Variants in ZNF276 observed in about 807,000 individuals in gnomAD.
ZNF276 encodes the protein zinc finger protein 276, also known as centromere protein Z.
ZNF276 carries 59 observed loss-of-function variants against 63.9 expected under a neutral mutation model. That is an observed-to-expected ratio of 0.92 (90% CI 0.75 to 1.15). The LOEUF is 1.15. Ranked by LOEUF, ZNF276 falls within the 50% of genes most tolerant of loss-of-function variation. ZNF276 has a pLI of 0.00. For synonymous variants in ZNF276, 496 were observed against 348.4 expected (o/e 1.42, Z -4.72); for missense variants, 1,084 against 843.8 (o/e 1.28, Z -3.53).
chr16:89,729,885 C>T (rs539258176), intron 6 of ZNF276, among the ~76,000 whole-genome samples: 6 of 152,264 alleles, frequency 3.9e-5, no homozygotes, highest in Admixed American at 3.9e-4. Context: ...AGAACACAGG[C>T]CCTGGTAGTG....
intron 6 of ZNF276, 107 bp from the exon 7 acceptor site, chr16:89,733,195 C>G (rs2061732518): frequency 9.5e-7 from 1 of 1,051,206 alleles, no homozygotes; most frequent in Admixed American, 2.2e-5. Flanking sequence ...AGCACAGAAG[C>G]AACTCAGGGA....
intron 4 of ZNF276, among the ~76,000 whole-genome samples, chr16:89,723,929 G>T (rs1401619771): frequency 6.6e-6 from 1 of 152,258 alleles, no homozygotes; most frequent in African/African-American, 2.4e-5. Context: ...TGTGAGCAGG[G>T]CTCTGTTCCA....
rs141797932 is a variant in ZNF276, at chr16:89,733,531, G to A, written c.1330G>A (p.Val444Met). ...GTGTCCTTACCAGGGCTGCACGGCC[G>A]TGTACCGAGGCGCTGACGGCATGAA... ...YKCPYQGCTA[V>M]YRGADGMKKH... Residue 444 changes from valine (V) to methionine (M), a missense_variant, in exon 8 of 11, where the codon GTG becomes ATG. Val to Met is a conservative substitution (Grantham distance 21). Transcript: ENST00000443381. 50 of 1,614,024 alleles carry A rather than the reference G, an allele frequency of 3.1e-5. No homozygotes were observed. Among genetic ancestry groups the A allele is most frequent in the East Asian group, 8.9e-5 (4 of 44,894 alleles).
At chr16:89,735,885 T>G (rs1474936064) in intron 9 of ZNF276, among the ~76,000 whole-genome samples, 1 of 95,324 alleles carries the variant, frequency 1.0e-5, no homozygotes, top group Admixed American at 1.2e-4. Flanking sequence ...GGGGGTGTTT[T>G]TTTTTGTTTG....
chr16:89,733,500 C>T lies in ZNF276; in HGVS notation c.1299C>T (p.Ile433=). Reference sequence around the variant, plus strand: ...ATTGCAGGGAGGAGCTTCCCACCATCTACAAGTGTCCTTACCAGGGCTGCA... The same window carrying T: ...ATTGCAGGGAGGAGCTTCCCACCATTTACAAGTGTCCTTACCAGGGCTGCA... ...LRCEREELPT[I]YKCPYQGCTA... Residue 433 remains isoleucine, a synonymous_variant, in exon 8 of 11, where the codon ATC becomes ATT. Coordinates refer to ENST00000443381, the MANE Select transcript of ZNF276 (RefSeq NM_001113525.2). 1 of 1,614,202 alleles carries T rather than the reference C, an allele frequency of 6.2e-7. No homozygotes were observed. The highest frequency in any genetic ancestry group is 1.1e-5 in the South Asian group (1 of 91,088).
Position 89,737,616 on chromosome 16 carries a change from G to GTGAC in ZNF276, c.1475-189_1475-186dup. ...AAATGCACACAGCTGATGAAGCCAC[G>GTGAC]TGACAGTGTATAAAGCAGTTTAAAG... is the stretch of plus-strand genomic sequence containing the variant. On this transcript the variant is annotated intron_variant, in intron 9 of 10. Coordinates refer to ENST00000443381, the MANE Select transcript of ZNF276 (RefSeq NM_001113525.2). 4 of 1,108,502 alleles carry GTGAC rather than the reference G, an allele frequency of 3.6e-6. No individual in the cohort carries two copies. The South Asian group carries it at 6.8e-5, about 19-fold the overall frequency. 68.7% of individuals were successfully genotyped at this position (1,108,502 alleles called of 1,614,324 possible).
At position 89,738,217 on chromosome 16, in the gene ZNF276, G is replaced by T. The variant is rs141300146; in HGVS notation, c.1816G>T (p.Gly606Cys). 5.6e-6 allele frequency: 9 copies of T among 1,609,496 alleles called. No individual in the cohort carries two copies. The highest frequency in any genetic ancestry group is 7.6e-6 in the Non-Finnish European group (9 of 1,178,390). The change falls in exon 11 of 11, where the codon GGC (glycine) becomes TGC (cysteine). Residue 606 changes from glycine to cysteine, a missense_variant. By Grantham distance (159) the Gly-to-Cys change is radical (BLOSUM62 -3). Coordinates refer to ENST00000443381, the MANE Select transcript of ZNF276 (RefSeq NM_001113525.2). ...GPPSPSVTTE[G>C]QAVKPEPT ...ACCGAGCCCCTCTGTGACCACAGAG[G>T]GCCAGGCGGTGAAGCCCGAACCCAC...
rs2062075315 is a variant in ZNF276, at chr16:89,739,644, TG to T, written c.*1401del. 6.6e-7 allele frequency: 1 copy of T among 1,507,700 alleles called. No homozygotes were observed. The highest frequency in any genetic ancestry group is 9.0e-7 in the Non-Finnish European group (1 of 1,110,038). 93.4% of individuals were successfully genotyped at this position (1,507,700 alleles called of 1,614,324 possible). Reference sequence around the variant, plus strand: ...CCCCTGGGGGTCGGGACGTGTACCCTGGGAGGCCTGGCTGTGGGGATAGTGT... The same window carrying T: ...CCCCTGGGGGTCGGGACGTGTACCCTGGAGGCCTGGCTGTGGGGATAGTGT... On this transcript the variant is annotated 3_prime_UTR_variant, in exon 11 of 11. Transcript: ENST00000443381.
At position 89,739,797 on chromosome 16, in the gene ZNF276, G is replaced by C; in HGVS notation, c.*1551G>C. The C allele has an allele frequency of 2.1e-6, 3 of 1,462,076 alleles. No individual in the cohort carries two copies. The highest frequency in any genetic ancestry group is 1.4e-5 in the South Asian group (1 of 70,912). The allele number at this position is 1,462,076 out of a possible 1,614,324, so 90.6% of individuals were successfully genotyped here. On this transcript the variant is annotated 3_prime_UTR_variant, in exon 11 of 11. Transcript: ENST00000443381. Reference sequence around the variant, plus strand: ...AGGCAGTCCCCATGATAGGCCCATTGGTCCTGGGGTTGACCAGTGAGCCAG... The same window carrying C: ...AGGCAGTCCCCATGATAGGCCCATTCGTCCTGGGGTTGACCAGTGAGCCAG...
In ZNF276 at chr16:89,737,863, T is replaced by G; in HGVS notation, c.1532T>G (p.Leu511Arg). The change falls in exon 10 of 11, where the codon CTT becomes CGT. Residue 511 changes from leucine (L) to arginine (R), a missense_variant. By Grantham distance (102) the Leu-to-Arg change is moderately radical. Coordinates refer to ENST00000443381, the MANE Select transcript of ZNF276 (RefSeq NM_001113525.2). ...CGQTFKQRKH[L>R]LVHQMRHSGA... ...CAAACCTTCAAGCAGCGGAAGCACC[T>G]TCTCGTCCACCAAATGCGACATTCG... The G allele has an allele frequency of 1.9e-6, 3 of 1,614,168 alleles. No individual in the cohort carries two copies. The highest frequency in any genetic ancestry group is 2.5e-6 in the Non-Finnish European group (3 of 1,180,028).
Position 89,721,647 on chromosome 16 carries a change from C to A in ZNF276, c.7C>A (p.Arg3=), listed in dbSNP as rs547689886. Residue 3 remains arginine, a synonymous_variant, in exon 1 of 11, where the codon CGG becomes AGG. Transcript: ENST00000443381. ...GCTGGCGTCCTCCGCTGCCATGAAG[C>A]GGGACCGGCTGGGCCGCTTCCTGTC... MK[R]DRLGRFLSPG... 1 of 1,470,000 alleles carries A rather than the reference C, an allele frequency of 6.8e-7. No homozygotes were observed. The highest frequency in any genetic ancestry group is 1.5e-5 in the African/African-American group (1 of 68,330). The allele number at this position is 1,470,000 out of a possible 1,614,324, so 91.1% of individuals were successfully genotyped here. A position where few individuals can be genotyped will look rare whatever the true frequency, so the allele number is the denominator to read the frequency against.
At position 89,722,935 on chromosome 16, in the gene ZNF276, G is replaced by C. The variant is rs1029156867; in HGVS notation, c.509+101G>C. 35 of 1,554,946 alleles carry C rather than the reference G, an allele frequency of 2.3e-5. No individual in the cohort carries two copies. The African/African-American group carries it at 3.2e-4, about 14-fold the overall frequency. ...CGTGCCTCCGCGGGAGCCTCTGGGT[G>C]GGGGGAATGGGCCATGCCCGGGTTC... On this transcript the variant is annotated intron_variant, in intron 2 of 10. Coordinates refer to ENST00000443381, the MANE Select transcript of ZNF276 (RefSeq NM_001113525.2).
chr16:89,740,375 C>G lies in ZNF276; in HGVS notation c.*2129C>G, dbSNP rs965667048. ...GGCCCACAGGCCGGATGCAGTGGCT[C>G]ATGCCTGTAATCCCAACACTTTGGG... On this transcript the variant is annotated 3_prime_UTR_variant, in exon 11 of 11. Coordinates refer to ENST00000443381, the MANE Select transcript of ZNF276 (RefSeq NM_001113525.2). 2 of 512,738 alleles carry G rather than the reference C, an allele frequency of 3.9e-6. No individual in the cohort carries two copies. Among genetic ancestry groups the G allele is most frequent in the Non-Finnish European group, 7.1e-6 (2 of 283,164 alleles). 31.8% of individuals were successfully genotyped at this position (512,738 alleles called of 1,614,324 possible).
In ZNF276 at chr16:89,729,239, G is replaced by A. The variant is rs148951357; in HGVS notation, c.1090G>A (p.Val364Ile). The change falls in exon 6 of 11, where the codon GTC becomes ATC. Residue 364 changes from valine to isoleucine, a missense_variant. Transcript: ENST00000443381. ...DEFSDLSEGD[V>I]LSEDENDKKQ... ...AGATTCTCTCTTAATTCCTAGAGAC[G>A]TCTTGAGTGAAGATGAAAATGACAA... The A allele has an allele frequency of 2.6e-4, 421 of 1,614,030 alleles. 1 individual carries two copies. Among genetic ancestry groups the A allele is most frequent in the Admixed American group, 1.6e-3 (97 of 60,032 alleles).
rs1201571959 is a variant in ZNF276, at chr16:89,721,742, T to A, written c.102T>A (p.Pro34=). 7.5e-7 allele frequency: 1 copy of A among 1,331,924 alleles called. No homozygotes were observed. The highest frequency in any genetic ancestry group is 1.5e-5 in the African/African-American group (1 of 65,046). 82.5% of individuals were successfully genotyped at this position (1,331,924 alleles called of 1,614,324 possible). A position where few individuals can be genotyped will look rare whatever the true frequency, so the allele number is the denominator to read the frequency against. Residue 34 remains proline, a synonymous_variant, in exon 1 of 11, where the codon CCT becomes CCA. Transcript: ENST00000443381. The part of the protein sequence containing the change: ...GGGVSRTRGR[P]SLSGGPRVDG... ...GCGTCAGCCGGACTCGGGGCCGCCC[T>A]TCCCTTAGCGGTGGGCCGAGGGTGG...
rs931106231 is a variant in ZNF276 at position 89,740,700 on chromosome 16, G to C, written c.*2454G>C. 7.9e-6 allele frequency: 7 copies of C among 884,706 alleles called. No homozygotes were observed. Among genetic ancestry groups the C allele is most frequent in the Admixed American group, 2.0e-5 (1 of 50,294 alleles). The allele number at this position is 884,706 out of a possible 1,614,324, so 54.8% of individuals were successfully genotyped here. ...ACTCACACTTCCGCAAACACAAGGA[G>C]CTCCTGAGCTAGTCTGGAAACCCTG... On this transcript the variant is annotated 3_prime_UTR_variant, in exon 11 of 11. Coordinates refer to ENST00000443381, the MANE Select transcript of ZNF276 (RefSeq NM_001113525.2).
Position 89,733,843 on chromosome 16 carries a change from C to T in ZNF276, c.1357-78C>T, listed in dbSNP as rs1044888332. ...AGTTGGATCTGCCTTCCAGGGGCCT[C>T]AGCTGTCACCTACTGAGGGCTCGTG... On this transcript the variant is annotated intron_variant, in intron 8 of 10. Transcript: ENST00000443381. 4 of 1,379,886 alleles carry T rather than the reference C, an allele frequency of 2.9e-6. No homozygotes were observed. In the African/African-American group the frequency reaches 4.3e-5, roughly 15 times the overall value. 85.5% of individuals were successfully genotyped at this position (1,379,886 alleles called of 1,614,324 possible).
At position 89,738,743 on chromosome 16, in the gene ZNF276, C is replaced by T. The variant is rs1456541808; in HGVS notation, c.*497C>T. ...AGGAGCAGGTCCTCAGCCCATGCCG[C>T]CCACTAGGCCTCAGACCACAGGGGA... On this transcript the variant is annotated 3_prime_UTR_variant, in exon 11 of 11. Transcript: ENST00000443381. 13 of 1,612,834 alleles carry T rather than the reference C, an allele frequency of 8.1e-6. No homozygotes were observed. Among genetic ancestry groups the T allele is most frequent in the South Asian group, 3.3e-5 (3 of 90,978 alleles).
chr16:89,739,075 G>A lies in ZNF276; in HGVS notation c.*829G>A, dbSNP rs1269411297. 3 of 1,613,790 alleles carry A rather than the reference G, an allele frequency of 1.9e-6. No individual in the cohort carries two copies. The highest frequency in any genetic ancestry group is 3.3e-5 in the Admixed American group (2 of 60,010). ...TGCTGTGCCGGAACATTCTTTGGCA[G>A]AAGGAGCCTCCGGCTGGGGGGAGCT... On this transcript the variant is annotated 3_prime_UTR_variant, in exon 11 of 11. Transcript: ENST00000443381.
Sources: gnomAD v4.1 joint callset for allele counts (sites outside exome capture counted in the v4.1 genomes callset) on GRCh38, gnomAD v4.1.1 for gene constraint, MANE v1.5 for transcripts, NCBI Gene and HGNC (gene_info 2026-07-23, HGNC 2026-07-21) for gene names.